Variants in PPME1 observed in about 807,000 individuals in gnomAD.
The protein encoded by PPME1 is testicular secretory protein Li 39.
In PPME1, 17 loss-of-function variants were observed where a neutral mutation model predicts 56.9. The observed-to-expected ratio is 0.30, with a 90% CI of 0.20 to 0.45. PPME1 has a LOEUF of 0.45. PPME1 is among the 20% of genes least tolerant of loss of function. The pLI is 1.00. For synonymous variants in PPME1, 122 were observed against 156.2 expected, an observed-to-expected ratio of 0.78 and a Z score of 1.63; for missense variants, 357 against 483.2, an observed-to-expected ratio of 0.74 and a Z score of 2.45.
At chr11:74,186,732 T>G (rs977674788) in intron 1 of PPME1, among the ~76,000 whole-genome samples, 6 of 152,174 alleles carry the variant, frequency 3.9e-5, no homozygotes, top group Non-Finnish European at 5.9e-5. Context: ...GATAAATATT[T>G]AGAAGAGAAA....
At chr11:74,251,858 T>A in intron 13 of PPME1, 143 bp downstream of exon 13, 1 of 1,023,086 alleles carries the variant, frequency 9.8e-7, no homozygotes, top group Non-Finnish European at 1.5e-6. Flanking sequence ...GTGAAGAGCC[T>A]GGCATGTCTG....
intron 1 of PPME1, among the ~76,000 whole-genome samples, chr11:74,194,170 T>C (rs1857917784): frequency 6.6e-6 from 1 of 152,224 alleles, no homozygotes. Flanking sequence ...TGCTAAGTTT[T>C]AAGACAGGCC....
chr11:74,215,319 A>G (rs932271790), intron 3 of PPME1, among the ~76,000 whole-genome samples: 3 of 152,198 alleles, frequency 2.0e-5, no homozygotes, highest in South Asian at 2.1e-4. Flanking sequence ...AAGCCTAGGC[A>G]ACTTGAGACC....
chr11:74,209,022 T>C (rs1421583125), intron 3 of PPME1, among the ~76,000 whole-genome samples: 2 of 152,204 alleles, frequency 1.3e-5, no homozygotes, highest in African/African-American at 2.4e-5. Context: ...AGCAAAATTA[T>C]AGAAGGGGCT....
intron 1 of PPME1, among the ~76,000 whole-genome samples, chr11:74,185,373 G>C (rs1857652442): frequency 1.3e-5 from 2 of 152,124 alleles, no homozygotes; most frequent in African/African-American, 4.8e-5. Flanking sequence ...CTGTTGGTCT[G>C]AAATATACTT....
At chr11:74,233,949 A>C (rs1859130608) in intron 7 of PPME1, among the ~76,000 whole-genome samples, 1 of 152,208 alleles carries the variant, frequency 6.6e-6, no homozygotes, top group African/African-American at 2.4e-5. Flanking sequence ...ATGAGGTGTG[A>C]AGTTGGTTAG....
At chr11:74,211,054 T>C (rs1858460310) in intron 3 of PPME1, among the ~76,000 whole-genome samples, 1 of 152,226 alleles carries the variant, frequency 6.6e-6, no homozygotes, top group Admixed American at 6.5e-5. Context: ...ATTAGCACTT[T>C]GCAGATCTGG....
intron 1 of PPME1, 146 bp from the exon 2 acceptor site, chr11:74,203,582 T>C (rs568527519): frequency 2.1e-6 from 1 of 483,656 alleles, no homozygotes; most frequent in South Asian, 4.6e-5. Flanking sequence ...ATTTTTAATA[T>C]GATACTTTGT....
chr11:74,247,042 C>A (rs1229496577), intron 10 of PPME1, 37 bp from the exon 11 acceptor site: 26 of 1,565,880 alleles, frequency 1.7e-5, no homozygotes, highest in African/African-American at 2.7e-5. Context: ...ACGTGAACAG[C>A]AAAATCTGTT....
intron 1 of PPME1, among the ~76,000 whole-genome samples, chr11:74,182,298 A>G (rs1445575857): frequency 6.6e-6 from 1 of 152,174 alleles, no homozygotes; most frequent in Non-Finnish European, 1.5e-5. Context: ...AAAACTGTCT[A>G]ATGGAAACTT....
chr11:74,173,564 CAG>C (rs1233979060), intron 1 of PPME1, among the ~76,000 whole-genome samples: 1 of 151,790 alleles, frequency 6.6e-6, no homozygotes, highest in Non-Finnish European at 1.5e-5. Context: ...TTTTTAGAGA[CAG>C]AGTCTCACTC....
Position 74,203,742 on chromosome 11 carries a change from G to A in PPME1, c.116G>A (p.Arg39Gln), listed in dbSNP as rs766714868. 28 of 1,610,502 alleles carry A rather than the reference G, an allele frequency of 1.7e-5. No homozygotes were observed. The South Asian group carries it at 2.0e-4, about 11-fold the overall frequency. The change falls in exon 2 of 14, where the codon CGG becomes CAG. Residue 39 changes from arginine (R) to glutamine (Q), a missense_variant. Physicochemically the swap from Arg to Gln is conservative, Grantham distance 43. Coordinates refer to ENST00000328257, the MANE Select transcript of PPME1 (RefSeq NM_016147.3). ...TTTTTCCTCAGCCCTGGAAGAAAGC[G>A]GGACTTTTCCCCTGTTCCTTGGAGT... ...AKMRMGPGRK[R>Q]DFSPVPWSQY...
At chr11:74,173,130 A>G (rs1403055007) in intron 1 of PPME1, among the ~76,000 whole-genome samples, 1 of 152,222 alleles carries the variant, frequency 6.6e-6, no homozygotes, top group Non-Finnish European at 1.5e-5. Context: ...GCTACATAGA[A>G]GGTAAAGTGA....
intron 8 of PPME1, among the ~76,000 whole-genome samples, chr11:74,237,488 G>T (rs768046553): frequency 1.3e-5 from 2 of 151,712 alleles, no homozygotes; most frequent in Non-Finnish European, 2.9e-5. Context: ...TGTTAGCCAG[G>T]ATGGTCTCTA....
chr11:74,251,300 A>G, intron 12 of PPME1: 4 of 1,364,456 alleles, frequency 2.9e-6, no homozygotes, highest in Non-Finnish European at 3.8e-6. Flanking sequence ...AAAGCCAGAG[A>G]TGGAAGAGGG....
intron 7 of PPME1, 141 bp downstream of exon 7, chr11:74,231,143 GA>G (rs1218473790): frequency 3.0e-6 from 2 of 675,468 alleles, no homozygotes; most frequent in African/African-American, 3.6e-5. Flanking sequence ...CTGCAACCTT[GA>G]ACTCCTAGGT....
chr11:74,243,129 T>G (rs1859417392), intron 9 of PPME1, among the ~76,000 whole-genome samples: 1 of 152,080 alleles, frequency 6.6e-6, no homozygotes, highest in Non-Finnish European at 1.5e-5. Flanking sequence ...TAGCCAACTT[T>G]CTGTTTCTCC....
At chr11:74,245,456 A>G (rs1859479117) in intron 9 of PPME1, among the ~76,000 whole-genome samples, 1 of 152,086 alleles carries the variant, frequency 6.6e-6, no homozygotes, top group Non-Finnish European at 1.5e-5. Context: ...TTGATTGCAT[A>G]CTCTGTGCTT....
At chr11:74,236,991 C>G (rs899837607) in intron 8 of PPME1, among the ~76,000 whole-genome samples, 3 of 151,950 alleles carry the variant, frequency 2.0e-5, no homozygotes, top group Admixed American at 2.0e-4. Flanking sequence ...GTTGATCCAC[C>G]TCTCATGCAT....
Sources: allele counts gnomAD v4.1 joint callset (sites outside exome capture counted in the v4.1 genomes callset), GRCh38; gene constraint gnomAD v4.1.1; transcripts MANE v1.5; gene names NCBI Gene and HGNC (gene_info 2026-07-23, HGNC 2026-07-21).